Variants in LINGO1 observed in about 807,000 individuals in gnomAD.
LINGO1 encodes leucine rich repeat and Ig domain containing 1.
In LINGO1, 11 loss-of-function variants were observed where a neutral mutation model predicts 37.3. The ratio of observed to expected loss-of-function variants is 0.29; its 90% CI spans 0.19 to 0.49. The LOEUF (loss-of-function observed/expected upper bound fraction) is 0.49, where lower values mean the gene tolerates loss of function less well. Among genes scored for constraint, LINGO1 ranks in the 20% least tolerant of loss-of-function variants. LINGO1 has a pLI of 0.99. For missense variants in LINGO1, 585 were observed against 878.2 expected (o/e 0.67, Z 4.22); for synonymous variants, 387 against 403.0 (o/e 0.96, Z 0.48).
chr15:77,698,232 C>T (rs750806899), upstream of LINGO1, among the ~76,000 whole-genome samples: 2 of 152,192 alleles, frequency 1.3e-5, no homozygotes, highest in African/African-American at 4.8e-5. Context: ...GCATCCCCCA[C>T]GCCTTCTGTC....
intron 1 of LINGO1, among the ~76,000 whole-genome samples, chr15:77,762,269 G>T (rs1383188141): frequency 6.6e-6 from 1 of 152,214 alleles, no homozygotes; most frequent in Admixed American, 6.5e-5. Context: ...TGGTGGTCAG[G>T]TCTGGAGGGT....
intron 3 of LINGO1, among the ~76,000 whole-genome samples, chr15:77,665,160 C>G (rs144815017): frequency 3.9e-5 from 6 of 152,286 alleles, no homozygotes; most frequent in African/African-American, 7.2e-5. Context: ...GATGTTCAAG[C>G]CAAATCCTCG....
intron 1 of LINGO1, among the ~76,000 whole-genome samples, chr15:77,758,900 T>C (rs2076447278): frequency 6.6e-6 from 1 of 151,742 alleles, no homozygotes. Flanking sequence ...AGGTCCTGAA[T>C]CTCCCCAGTG....
chr15:77,740,235 C>G (rs576371780), intron 1 of LINGO1, among the ~76,000 whole-genome samples: 1 of 152,346 alleles, frequency 6.6e-6, no homozygotes, highest in South Asian at 2.1e-4. Context: ...GACCGCCAGA[C>G]AGAGGATGTG....
intron 3 of LINGO1, among the ~76,000 whole-genome samples, chr15:77,665,817 G>C (rs2075117477): frequency 6.6e-6 from 1 of 152,192 alleles, no homozygotes; most frequent in South Asian, 2.1e-4. Context: ...CCCTCTGCCT[G>C]TGGTACTCAT....
At chr15:77,647,848 T>C in intron 3 of LINGO1, 1 of 456,620 alleles carries the variant, frequency 2.2e-6, no homozygotes, top group Non-Finnish European at 4.4e-6. Flanking sequence ...GCACTTTTCC[T>C]GGAAGGGAAC....
Position 77,632,473 on chromosome 15 carries a change from C to G in LINGO1, c.-158G>C, listed in dbSNP as rs964428544. The G allele has an allele frequency of 5.7e-6, 4 of 702,198 alleles. No individual in the cohort carries two copies. The highest frequency in any genetic ancestry group is 3.7e-5 in the African/African-American group (2 of 53,524). 43.5% of individuals were successfully genotyped at this position (702,198 alleles called of 1,614,324 possible). ...GCGCGCCCTCGCGGGGCTGGCTGTCCGTCTGTCCGCCCCGCGCGGGCGGGA... is the reference window on the plus strand; with the variant it reads ...GCGCGCCCTCGCGGGGCTGGCTGTCGGTCTGTCCGCCCCGCGCGGGCGGGA... On this transcript the variant is annotated 5_prime_UTR_variant, in exon 1 of 2. Coordinates refer to ENST00000355300, the MANE Select transcript of LINGO1 (RefSeq NM_032808.7). This position sits in a 1 kb window ranked among gnomAD's most constrained non-coding sequence, Gnocchi z 6.0.
chr15:77,696,501 C>T (rs1340376788), upstream of LINGO1: 1 of 152,398 alleles, frequency 6.6e-6, no homozygotes, highest in Admixed American at 6.5e-5. Context: ...ATAATACCCG[C>T]CCGAAGGCTG....
intron 1 of LINGO1, among the ~76,000 whole-genome samples, chr15:77,758,142 G>A (rs2076439096): frequency 6.6e-6 from 1 of 152,180 alleles, no homozygotes; most frequent in Non-Finnish European, 1.5e-5. Flanking sequence ...GAGGGAGGTT[G>A]AAAATGTGCA....
At chr15:77,652,327 A>AGGG (rs143113903) in intron 3 of LINGO1, 1 of 152,106 alleles carries the variant, frequency 6.6e-6, no homozygotes, top group African/African-American at 2.4e-5. Flanking sequence ...ATTGGGTAGA[A>AGGG]GGGGGGTCTG....
chr15:77,716,445 C>A (rs1414758408), intron 2 of LINGO1, among the ~76,000 whole-genome samples: 1 of 149,392 alleles, frequency 6.7e-6, no homozygotes, highest in Non-Finnish European at 1.5e-5. Context: ...CACACCCAGC[C>A]GGGCCCTCTC....
intron 2 of LINGO1, among the ~76,000 whole-genome samples, chr15:77,701,626 G>A (rs561906881): frequency 1.8e-4 from 28 of 152,090 alleles, no homozygotes; most frequent in Non-Finnish European, 3.5e-4. Flanking sequence ...TGCCCTTCTC[G>A]CCCTCTAACG....
intron 1 of LINGO1, among the ~76,000 whole-genome samples, chr15:77,815,590 T>TGC (rs2077041084): frequency 6.6e-6 from 1 of 152,124 alleles, no homozygotes; most frequent in Non-Finnish European, 1.5e-5. Flanking sequence ...CTTACTGAAG[T>TGC]GCACACAGTG....
At chr15:77,700,147 G>A (rs1476354542), upstream of LINGO1, among the ~76,000 whole-genome samples, 1 of 152,126 alleles carries the variant, frequency 6.6e-6, no homozygotes. Flanking sequence ...TTGGCAGATT[G>A]GCCTCCTGCC....
At chr15:77,663,914 G>A (rs2075054943) in intron 3 of LINGO1, among the ~76,000 whole-genome samples, 1 of 152,204 alleles carries the variant, frequency 6.6e-6, no homozygotes, top group Non-Finnish European at 1.5e-5. Flanking sequence ...GGACAGGGAG[G>A]CCCAGGGAGG....
intron 2 of LINGO1, among the ~76,000 whole-genome samples, chr15:77,722,145 A>G (rs1444377252): frequency 6.6e-6 from 1 of 152,152 alleles, no homozygotes; most frequent in Non-Finnish European, 1.5e-5. Flanking sequence ...ATTTTTTAGT[A>G]TATCTTAAAT....
At chr15:77,642,041 G>A (rs1194544249) in intron 3 of LINGO1, 1 of 455,368 alleles carries the variant, frequency 2.2e-6, no homozygotes, top group African/African-American at 2.0e-5. Context: ...TGTGGGAAGG[G>A]TTCTAAGAGC....
In LINGO1 at chr15:77,704,343, A is replaced by C. The variant is rs545024841; in HGVS notation, c.-194-13442T>G. ...TAGAGCACTATGCTGAGCTCCAACC[A>C]TGGCCACACATTAAGCCCCGACGCT... On this transcript the variant is annotated intron_variant, in intron 2 of 3. Coordinates refer to the LINGO1 transcript ENST00000561686. Among the ~76,000 whole-genome samples, 452 of 151,554 alleles carry C rather than the reference A, an allele frequency of 3.0e-3. 5 individuals carry two copies. The highest frequency in any genetic ancestry group is 0.011 in the African/African-American group (437 of 40,886).
chr15:77,646,360 T>C (rs986247950), intron 3 of LINGO1: 4 of 426,602 alleles, frequency 9.4e-6, no homozygotes, highest in Middle Eastern at 4.0e-4. Context: ...GGCACCCACA[T>C]TGGCACCCTC....
Sources: allele counts gnomAD v4.1 joint callset (sites outside exome capture counted in the v4.1 genomes callset), GRCh38; gene constraint gnomAD v4.1.1; non-coding constraint Gnocchi (gnomAD v3.1); transcripts MANE v1.5; gene names NCBI Gene and HGNC (gene_info 2026-07-23, HGNC 2026-07-21).